The following DACH2 variants were observed in gnomAD, a reference collection of about 807,000 sequenced individuals.
DACH2 encodes the protein dachshund family transcription factor 2.
In DACH2, 17 loss-of-function variants were observed where a neutral mutation model predicts 35.8. That is an observed-to-expected ratio of 0.48 (90% confidence interval 0.33 to 0.71). The LOEUF (loss-of-function observed/expected upper bound fraction) is 0.71, where lower values mean the gene tolerates loss of function less well. Among genes scored for constraint, DACH2 ranks in the 30% least tolerant of loss-of-function variants. DACH2 has a pLI of 0.02. For missense variants in DACH2, 469 were observed against 472.7 expected (o/e 0.99, Z 0.07); for synonymous variants, 195 against 177.3 (o/e 1.10, Z -0.79).
chrX:86,546,315 A>AC (rs1238689740), intron 3 of DACH2, among the ~76,000 whole-genome samples: 2 of 74,598 alleles, frequency 2.7e-5, no homozygotes, highest in Non-Finnish European at 5.4e-5. Context: ...AATACCTCCT[A>AC]CCTCTTTCTT....
intron 1 of DACH2, among the ~76,000 whole-genome samples, chrX:86,246,960 CT>C (rs2033297050): frequency 9.0e-6 from 1 of 111,217 alleles, no homozygotes; most frequent in East Asian, 2.8e-4. Flanking sequence ...CATGGATAGG[CT>C]CAAAGAAAAG....
chrX:86,530,612 A>C (rs763909673), intron 3 of DACH2, among the ~76,000 whole-genome samples: 1 of 112,092 alleles, frequency 8.9e-6, no homozygotes, highest in Admixed American at 9.5e-5. Context: ...GAGTCAATTA[A>C]ACCTCTTTTC....
chrX:86,824,424 A>G (rs781148242), intron 11 of DACH2, among the ~76,000 whole-genome samples: 1 of 111,653 alleles, frequency 9.0e-6, no homozygotes, highest in Non-Finnish European at 1.9e-5. Context: ...GTTCTTTTTC[A>G]AGGTGCACTG....
At chrX:86,620,931 A>G (rs772632004) in intron 3 of DACH2, among the ~76,000 whole-genome samples, 2 of 111,699 alleles carry the variant, frequency 1.8e-5, no homozygotes, top group Admixed American at 9.5e-5. Context: ...TTTGTGATTG[A>G]CATCCCTCTT....
At chrX:86,189,409 G>A (rs1024443350) in intron 1 of DACH2, among the ~76,000 whole-genome samples, 1 of 111,733 alleles carries the variant, frequency 8.9e-6, no homozygotes, top group African/African-American at 3.3e-5. Flanking sequence ...AACCGTGTCA[G>A]TGAACAAATG....
intron 7 of DACH2, among the ~76,000 whole-genome samples, chrX:86,765,037 G>T (rs1213135732): frequency 9.0e-6 from 1 of 111,656 alleles, no homozygotes; most frequent in Non-Finnish European, 1.9e-5. Flanking sequence ...CTTTTGAGAA[G>T]TGTCTGTTCA....
intron 6 of DACH2, among the ~76,000 whole-genome samples, chrX:86,738,323 C>A (rs5923622): frequency 0.24 from 26,614 of 110,978 alleles, 3,118 homozygotes; most frequent in Middle Eastern, 0.41. Flanking sequence ...AATTTTAACT[C>A]TCATGCTATT....
At chrX:86,299,242 T>C (rs1318952336) in intron 1 of DACH2, among the ~76,000 whole-genome samples, 1 of 112,201 alleles carries the variant, frequency 8.9e-6, no homozygotes, top group Non-Finnish European at 1.9e-5. Context: ...GGTTGCCTTT[T>C]ATAATTAAGC....
At chrX:86,656,857 G>GTGTATATATATATATATA (rs1333268452) in intron 4 of DACH2, among the ~76,000 whole-genome samples, 5 of 66,747 alleles carry the variant, frequency 7.5e-5, no homozygotes, top group East Asian at 5.0e-4. Context: ...GTGTGTGTGT[G>GTGTATATATATATATATA]TATATATATA....
chrX:86,789,113 T>G (rs1009328362), intron 7 of DACH2, among the ~76,000 whole-genome samples: 1 of 112,264 alleles, frequency 8.9e-6, no homozygotes, highest in Non-Finnish European at 1.9e-5. Context: ...ATGTAAAAAT[T>G]GTGTAACTAT....
intron 5 of DACH2, among the ~76,000 whole-genome samples, chrX:86,702,378 T>A (rs1400893717): frequency 9.0e-6 from 1 of 110,526 alleles, no homozygotes; most frequent in East Asian, 2.8e-4. Context: ...CTAGAGCAAC[T>A]AGCCCAAACC....
intron 7 of DACH2, among the ~76,000 whole-genome samples, chrX:86,744,479 T>C (rs2041690458): frequency 8.9e-6 from 1 of 111,962 alleles, no homozygotes; most frequent in Non-Finnish European, 1.9e-5. Context: ...GGCAAACATA[T>C]GTTTTCACAT....
At chrX:86,307,246 C>T (rs896667419) in intron 1 of DACH2, among the ~76,000 whole-genome samples, 3 of 111,708 alleles carry the variant, frequency 2.7e-5, no homozygotes, top group Non-Finnish European at 5.6e-5. Flanking sequence ...CTAAGATTGC[C>T]CTGAGTGAGA....
At chrX:86,453,378 T>C (rs754185627) in intron 2 of DACH2, among the ~76,000 whole-genome samples, 112 of 112,215 alleles carry the variant, frequency 1.0e-3, no homozygotes, top group African/African-American at 3.2e-3. Context: ...GTTAATTTTC[T>C]GTCTCATTGG....
chrX:86,828,260 G>A (rs2042580541), intron 11 of DACH2: 2 of 114,637 alleles, frequency 1.7e-5, no homozygotes, highest in Admixed American at 1.8e-4. Context: ...AATCATTTGT[G>A]CAAATGATCG....
At chrX:86,564,184 C>G (rs1425170428) in intron 3 of DACH2, among the ~76,000 whole-genome samples, 4 of 111,054 alleles carry the variant, frequency 3.6e-5, no homozygotes, top group Non-Finnish European at 7.6e-5. Context: ...TTTATAAATT[C>G]TGGGATTACC....
intron 7 of DACH2, among the ~76,000 whole-genome samples, chrX:86,782,891 A>C (rs2042101913): frequency 2.4e-5 from 1 of 42,195 alleles, no homozygotes. Flanking sequence ...CAGGCAATCA[A>C]AGGAAAAAAA....
intron 1 of DACH2, among the ~76,000 whole-genome samples, chrX:86,251,701 C>T (rs747150530): frequency 9.0e-6 from 1 of 111,553 alleles, no homozygotes; most frequent in African/African-American, 3.2e-5. Flanking sequence ...AGTGTTCCAT[C>T]GTATATATGT....
chrX:86,750,830 A>G (rs1478711905), intron 7 of DACH2, among the ~76,000 whole-genome samples: 2 of 111,053 alleles, frequency 1.8e-5, no homozygotes, highest in Non-Finnish European at 3.8e-5. Flanking sequence ...GTATTTATCA[A>G]TTTCATCCAT....
Sources: allele counts gnomAD v4.1 joint callset (sites outside exome capture counted in the v4.1 genomes callset), GRCh38; gene constraint gnomAD v4.1.1; transcripts MANE v1.5; gene names NCBI Gene and HGNC (gene_info 2026-07-23, HGNC 2026-07-21).